Variants in DIXDC1 observed in about 807,000 individuals in gnomAD.
The protein encoded by DIXDC1 is dixin.
In DIXDC1, 64 loss-of-function variants were observed where a neutral mutation model predicts 103.1. The observed-to-expected ratio is 0.62, with a 90% confidence interval of 0.51 to 0.76. The LOEUF (loss-of-function observed/expected upper bound fraction) is 0.76. Among genes scored for constraint, DIXDC1 ranks in the 30% least tolerant of loss-of-function variants. DIXDC1 has a pLI of 0.00. For synonymous variants in DIXDC1, 266 were observed against 298.5 expected (o/e 0.89, Z 1.12); for missense variants, 759 against 834.2 (o/e 0.91, Z 1.11).
intron 9 of DIXDC1, 111 bp from the exon 10 acceptor site, chr11:111,988,894 A>C (rs370819158): frequency 6.5e-6 from 6 of 919,456 alleles, no homozygotes; most frequent in South Asian, 6.2e-5. Context: ...TAGAGGGTTA[A>C]TTTTTCACGG....
intron 18 of DIXDC1, 39 bp downstream of exon 18, chr11:112,016,835 G>A (rs1861605973): frequency 6.5e-7 from 1 of 1,540,850 alleles, no homozygotes; most frequent in Admixed American, 1.9e-5. Flanking sequence ...TGTAAAGAAG[G>A]AAAGGAAGGC....
intron 8 of DIXDC1, 77 bp from the exon 9 acceptor site, chr11:111,986,794 A>G (rs1262969137): frequency 7.4e-7 from 1 of 1,357,906 alleles, no homozygotes; most frequent in Non-Finnish European, 1.0e-6. Context: ...AGTAGTGCTC[A>G]ATAAATATTT....
chr11:111,941,316 G>T (rs1274994143), intron 1 of DIXDC1, among the ~76,000 whole-genome samples: 1 of 152,120 alleles, frequency 6.6e-6, no homozygotes, highest in South Asian at 2.1e-4. Flanking sequence ...AAGAGTGAAC[G>T]TAGGCCCAGC....
Position 111,977,705 on chromosome 11 carries a change from G to A in DIXDC1, c.656+2722G>A. On this transcript the variant is annotated intron_variant, in intron 5 of 19. Coordinates refer to ENST00000440460, the MANE Select transcript of DIXDC1 (RefSeq NM_001037954.4). This position sits in a 1 kb window ranked among gnomAD's most constrained non-coding sequence, Gnocchi z 6.1. Reference sequence around the variant, plus strand: ...AGACATGCCTGAATTTGGGAGCGATGTGACTCTCAGCCTCCCACTTCACCC... The same window carrying A: ...AGACATGCCTGAATTTGGGAGCGATATGACTCTCAGCCTCCCACTTCACCC... The A allele has an allele frequency of 6.5e-7, 1 of 1,546,580 alleles. No individual in the cohort carries two copies. Among genetic ancestry groups the A allele is most frequent in the Admixed American group, 2.0e-5 (1 of 50,834 alleles).
At chr11:111,955,861 A>G (rs12793688) in intron 1 of DIXDC1, among the ~76,000 whole-genome samples, 1 of 148,660 alleles carries the variant, frequency 6.7e-6, no homozygotes, top group African/African-American at 2.5e-5. Context: ...AAAAAAAAAA[A>G]GATCTTGAAG....
chr11:111,938,732 C>T (rs868936803), intron 1 of DIXDC1, among the ~76,000 whole-genome samples: 42 of 152,188 alleles, frequency 2.8e-4, no homozygotes, highest in African/African-American at 9.4e-4. Context: ...CAGAACCCTC[C>T]CCTGGTCTGG....
intron 1 of DIXDC1, among the ~76,000 whole-genome samples, chr11:111,947,593 A>G (rs587704451): frequency 2.2e-4 from 34 of 152,330 alleles, no homozygotes; most frequent in Admixed American, 5.9e-4. Context: ...AGAAGTACAG[A>G]TATCTTCAGG....
At chr11:111,989,261 G>C (rs1860609050) in intron 10 of DIXDC1, among the ~76,000 whole-genome samples, 1 of 152,124 alleles carries the variant, frequency 6.6e-6, no homozygotes, top group Non-Finnish European at 1.5e-5. Context: ...TATGATTCAT[G>C]TTGCTACCAT....
intron 19 of DIXDC1, 64 bp from the exon 20 acceptor site, chr11:112,018,892 C>T: frequency 7.1e-7 from 1 of 1,401,388 alleles, no homozygotes; most frequent in African/African-American, 1.4e-5. Flanking sequence ...TTTTTATTAG[C>T]AGCAATTGTT....
chr11:111,954,680 A>G (rs902330677), intron 1 of DIXDC1, among the ~76,000 whole-genome samples: 4 of 152,206 alleles, frequency 2.6e-5, no homozygotes, highest in Non-Finnish European at 4.4e-5. Context: ...TATTGTAGTT[A>G]ATAAATTTAT....
intron 9 of DIXDC1, 118 bp from the exon 10 acceptor site, chr11:111,988,887 A>G: frequency 1.2e-6 from 1 of 802,416 alleles, no homozygotes; most frequent in Non-Finnish European, 2.0e-6. Flanking sequence ...GCCTTAGTAG[A>G]GGGTTAATTT....
chr11:111,943,624 C>T (rs1966495804), intron 1 of DIXDC1, among the ~76,000 whole-genome samples: 2 of 151,884 alleles, frequency 1.3e-5, no homozygotes, highest in Non-Finnish European at 1.5e-5. Flanking sequence ...CTCAGCCTCC[C>T]GAGTAGCTGG....
upstream of DIXDC1, among the ~76,000 whole-genome samples, chr11:111,936,845 A>AGTGTGTGTGTGTGTGTGT (rs57332873): frequency 7.1e-6 from 1 of 140,758 alleles, no homozygotes; most frequent in Non-Finnish European, 1.6e-5. Context: ...TTAAGTTAGC[A>AGTGTGTGTGTGTGTGTGT]GTGTGTGTGT....
intron 1 of DIXDC1, among the ~76,000 whole-genome samples, chr11:111,950,032 T>C (rs1192908093): frequency 2.0e-5 from 3 of 152,190 alleles, no homozygotes. Context: ...GACTCAAGAA[T>C]ATGTTGACTT....
chr11:111,953,510 T>G (rs1301030945), intron 1 of DIXDC1, among the ~76,000 whole-genome samples: 5 of 152,094 alleles, frequency 3.3e-5, no homozygotes, highest in Middle Eastern at 3.4e-3. Flanking sequence ...TGGTGGCACG[T>G]GCCTGTAATC....
chr11:111,937,596 C>T (rs376845528), intron 1 of DIXDC1, 37 bp downstream of exon 1: 528 of 1,552,838 alleles, frequency 3.4e-4, no homozygotes, highest in Non-Finnish European at 4.3e-4. Flanking sequence ...CAGCTCCCCT[C>T]CCCCAGCGTC....
intron 17 of DIXDC1, among the ~76,000 whole-genome samples, chr11:112,010,429 C>A (rs587698956): frequency 2.0e-5 from 3 of 152,194 alleles, no homozygotes; most frequent in Non-Finnish European, 4.4e-5. Context: ...CCAATGTCTT[C>A]TTCACAGAAT....
chr11:111,992,385 C>T (rs1555174614), intron 10 of DIXDC1, 30 bp from the exon 11 acceptor site: 1 of 1,531,064 alleles, frequency 6.5e-7, no homozygotes, highest in South Asian at 1.2e-5. Flanking sequence ...TGAACTGAGA[C>T]AACAATAATT....
chr11:112,014,101 A>C (rs926409255), intron 17 of DIXDC1, among the ~76,000 whole-genome samples: 2 of 152,138 alleles, frequency 1.3e-5, no homozygotes, highest in Non-Finnish European at 2.9e-5. Flanking sequence ...AACACTTCCC[A>C]TTAGGCCCCA....
Sources: allele counts gnomAD v4.1 joint callset (sites outside exome capture counted in the v4.1 genomes callset), GRCh38; gene constraint gnomAD v4.1.1; non-coding constraint Gnocchi (gnomAD v3.1); transcripts MANE v1.5; gene names NCBI Gene and HGNC (gene_info 2026-07-23, HGNC 2026-07-21).